Variants in PTPRM observed in about 807,000 individuals in gnomAD.
PTPRM encodes receptor-type tyrosine-protein phosphatase mu.
Under a neutral mutation model 186.7 loss-of-function variants are expected in PTPRM, and 47 were observed. The ratio of observed to expected loss-of-function variants is 0.25; its 90% confidence interval spans 0.20 to 0.32. The LOEUF is 0.32. Ranked by LOEUF, PTPRM falls within the 10% of genes least tolerant of loss-of-function variation. PTPRM has a pLI of 1.00. For missense variants in PTPRM, 1,494 were observed against 1,865.0 expected (o/e 0.80, Z 3.66); for synonymous variants, 668 against 674.9 (o/e 0.99, Z 0.16).
chr18:8,083,718 T>C (rs2090277746), intron 9 of PTPRM, among the ~76,000 whole-genome samples: 1 of 152,098 alleles, frequency 6.6e-6, no homozygotes, highest in African/African-American at 2.4e-5. Context: ...GTTCAATCAA[T>C]GTTTGAATAA....
At chr18:7,979,020 G>C (rs1332419129) in intron 7 of PTPRM, among the ~76,000 whole-genome samples, 1 of 152,084 alleles carries the variant, frequency 6.6e-6, no homozygotes, top group Non-Finnish European at 1.5e-5. Flanking sequence ...ATTGAATGTT[G>C]CCTGGGTGAC....
intron 7 of PTPRM, among the ~76,000 whole-genome samples, chr18:8,043,167 A>C (rs988231713): frequency 6.6e-6 from 1 of 152,092 alleles, no homozygotes; most frequent in Non-Finnish European, 1.5e-5. Context: ...AGCCTGTTTT[A>C]TCTTGGTGAT....
chr18:8,090,109 C>G (rs1318585493), intron 11 of PTPRM, among the ~76,000 whole-genome samples: 1 of 152,156 alleles, frequency 6.6e-6, no homozygotes, highest in Non-Finnish European at 1.5e-5. Flanking sequence ...TCCCCAGGCC[C>G]TCTGGGTTGA....
chr18:7,657,089 T>G (rs2038868367), intron 1 of PTPRM, among the ~76,000 whole-genome samples: 1 of 152,188 alleles, frequency 6.6e-6, no homozygotes, highest in Non-Finnish European at 1.5e-5. Context: ...AACAAAAGAT[T>G]GAGAGAAAAT....
chr18:8,221,036 C>A (rs1323442472), intron 14 of PTPRM, among the ~76,000 whole-genome samples: 1 of 152,116 alleles, frequency 6.6e-6, no homozygotes, highest in African/African-American at 2.4e-5. Context: ...AAAATAGAGG[C>A]ACTTGATACA....
At chr18:8,129,091 CA>C (rs1223095569) in intron 13 of PTPRM, among the ~76,000 whole-genome samples, 2 of 151,948 alleles carry the variant, frequency 1.3e-5, no homozygotes, top group Non-Finnish European at 2.9e-5. Flanking sequence ...CAAAATTAGC[CA>C]AGAGTTTGGT....
intron 24 of PTPRM, among the ~76,000 whole-genome samples, chr18:8,371,338 G>A (rs1351942458): frequency 6.6e-6 from 1 of 152,162 alleles, no homozygotes; most frequent in East Asian, 1.9e-4. Flanking sequence ...TTTGATAAAT[G>A]TCCTTCCAGT....
intron 22 of PTPRM, among the ~76,000 whole-genome samples, chr18:8,332,061 T>A (rs914372558): frequency 6.6e-6 from 1 of 152,220 alleles, no homozygotes; most frequent in African/African-American, 2.4e-5. Context: ...AGGGGTGTTT[T>A]AGAGAGGAGC....
intron 2 of PTPRM, among the ~76,000 whole-genome samples, chr18:7,792,052 T>C (rs1200085174): frequency 2.0e-5 from 3 of 152,218 alleles, no homozygotes; most frequent in Non-Finnish European, 4.4e-5. Flanking sequence ...GCAAATATCA[T>C]TGAATAAATG....
At chr18:8,208,070 G>A (rs1349605008) in intron 14 of PTPRM, among the ~76,000 whole-genome samples, 1 of 152,218 alleles carries the variant, frequency 6.6e-6, no homozygotes, top group Non-Finnish European at 1.5e-5. Context: ...GCAGAGTCTA[G>A]AACCTCAGGG....
chr18:8,339,191 C>T (rs919031763), intron 22 of PTPRM, among the ~76,000 whole-genome samples: 7 of 148,774 alleles, frequency 4.7e-5, no homozygotes, highest in African/African-American at 1.0e-4. Flanking sequence ...AAAAAAAAAA[C>T]GTTCCGCCCC....
intron 14 of PTPRM, among the ~76,000 whole-genome samples, chr18:8,202,219 G>T (rs2093867881): frequency 6.6e-6 from 1 of 152,102 alleles, no homozygotes; most frequent in African/African-American, 2.4e-5. Context: ...TATTTTGAGG[G>T]AAGGGAATGG....
intron 7 of PTPRM, among the ~76,000 whole-genome samples, chr18:8,022,883 G>A (rs906249276): frequency 6.6e-6 from 1 of 152,148 alleles, no homozygotes; most frequent in Non-Finnish European, 1.5e-5. Flanking sequence ...CAAACATTTG[G>A]AATAGCAACT....
intron 19 of PTPRM, among the ~76,000 whole-genome samples, chr18:8,285,521 C>T (rs561700439): frequency 2.6e-5 from 4 of 152,252 alleles, no homozygotes; most frequent in East Asian, 3.9e-4. Flanking sequence ...CGTTAGTTGT[C>T]GTTCAATACT....
chr18:8,291,320 T>A lies in PTPRM; in HGVS notation c.2755-5048T>A, dbSNP rs562440855. ...GTCTCAGGCATAGAAAGATGCAAGG[T>A]GAAGATAAGCAAAATTTCCTCCCAG... On this transcript the variant is annotated intron_variant, in intron 19 of 32. Transcript: ENST00000580170. Among the ~76,000 whole-genome samples the A allele has an allele frequency of 7.2e-5, 11 of 152,302 alleles. No homozygotes were observed. The South Asian group carries it at 2.3e-3, about 32-fold the overall frequency.
chr18:7,635,255 T>A (rs2038285942), intron 1 of PTPRM, among the ~76,000 whole-genome samples: 1 of 152,224 alleles, frequency 6.6e-6, no homozygotes, highest in Non-Finnish European at 1.5e-5. Flanking sequence ...AAGCAACGTG[T>A]ATTTTATATT....
At chr18:7,946,157 A>C (rs1183033102) in intron 5 of PTPRM, among the ~76,000 whole-genome samples, 6 of 152,192 alleles carry the variant, frequency 3.9e-5, no homozygotes. Context: ...CATATGCATA[A>C]ATCCAAAAAG....
chr18:8,219,302 C>T (rs1391481027), intron 14 of PTPRM, among the ~76,000 whole-genome samples: 1 of 152,044 alleles, frequency 6.6e-6, no homozygotes, highest in Non-Finnish European at 1.5e-5. Context: ...CCCGTCTCTA[C>T]TTAAAATACA....
At chr18:8,386,745 G>A (rs553501993) in intron 30 of PTPRM, among the ~76,000 whole-genome samples, 29 of 152,230 alleles carry the variant, frequency 1.9e-4, no homozygotes, top group African/African-American at 6.3e-4. Context: ...TAATTTACCT[G>A]TAATTGAAGT....
Sources: gnomAD v4.1 joint callset for allele counts (sites outside exome capture counted in the v4.1 genomes callset) on GRCh38, gnomAD v4.1.1 for gene constraint, MANE v1.5 for transcripts, NCBI Gene and HGNC (gene_info 2026-07-23, HGNC 2026-07-21) for gene names.